Variants in ASTN2 observed in about 807,000 individuals in gnomAD.
ASTN2 encodes the protein astrotactin 2, also known as astrotactin-2.
A neutral mutation model predicts 139.8 loss-of-function variants in ASTN2; 54 were observed. The ratio of observed to expected loss-of-function variants is 0.39; its 90% confidence interval spans 0.31 to 0.48. The LOEUF is 0.48. ASTN2 is among the 20% of genes least tolerant of loss of function. The probability of loss-of-function intolerance (pLI) is 0.95; values close to 1 mark genes in which losing one functional copy is unlikely to be tolerated. For missense variants in ASTN2, 1,565 were observed against 1,725.1 expected (o/e 0.91, Z 1.64); for synonymous variants, 756 against 719.5 (o/e 1.05, Z -0.81).
intron 19 of ASTN2, among the ~76,000 whole-genome samples, chr9:116,519,797 A>C (rs1159191585): frequency 6.6e-6 from 1 of 152,116 alleles, no homozygotes; most frequent in African/African-American, 2.4e-5. Flanking sequence ...GATCCAAATA[A>C]GCTCAATTAG....
chr9:116,681,052 G>A (rs1045854164), intron 16 of ASTN2, among the ~76,000 whole-genome samples: 1 of 152,082 alleles, frequency 6.6e-6, no homozygotes, highest in Non-Finnish European at 1.5e-5. Flanking sequence ...GGAAATAAAG[G>A]GTATTCAATT....
rs557809188 is a variant in ASTN2, at chr9:117,198,901, GTTTTT to G, written c.1015+15452_1015+15456del. Among the ~76,000 whole-genome samples, 300 of 152,224 alleles carry G rather than the reference GTTTTT, an allele frequency of 2.0e-3. 2 individuals are homozygous for G. Among genetic ancestry groups the G allele is most frequent in the African/African-American group, 7.0e-3 (291 of 41,560 alleles). ...CTCTGATGATCAGTGATGTTGGGCT[GTTTTT>G]CATATGTTTGTTGGCTGCATAAATG... On this transcript the variant is annotated intron_variant, in intron 3 of 22. Coordinates refer to ENST00000313400, the MANE Select transcript of ASTN2 (RefSeq NM_001365068.1).
chr9:116,500,162 G>A (rs979226536), intron 19 of ASTN2, among the ~76,000 whole-genome samples: 2 of 152,080 alleles, frequency 1.3e-5, no homozygotes, highest in African/African-American at 4.8e-5. Flanking sequence ...TTAACCCTTT[G>A]ACTCTACTAT....
chr9:117,167,264 C>A (rs1329256941), intron 3 of ASTN2, among the ~76,000 whole-genome samples: 2 of 147,484 alleles, frequency 1.4e-5, no homozygotes, highest in Non-Finnish European at 3.0e-5. Context: ...GTTGATCACA[C>A]CAAAACCTTT....
intron 7 of ASTN2, among the ~76,000 whole-genome samples, chr9:117,002,790 G>A (rs553771164): frequency 3.3e-5 from 5 of 152,248 alleles, no homozygotes; most frequent in African/African-American, 1.2e-4. Flanking sequence ...CCTTGCTCCA[G>A]CAAAGTTTAC....
chr9:117,346,849 G>C (rs1376326077), intron 1 of ASTN2, among the ~76,000 whole-genome samples: 5 of 152,098 alleles, frequency 3.3e-5, no homozygotes, highest in Non-Finnish European at 7.3e-5. Flanking sequence ...AATTTCCACT[G>C]TCTGCAAAAT....
intron 19 of ASTN2, chr9:116,543,951 C>T (rs1587973549): frequency 1.3e-5 from 2 of 152,106 alleles, no homozygotes; most frequent in East Asian, 1.9e-4. Flanking sequence ...CCTATGTGAC[C>T]GGGAGTAGAT....
At chr9:117,272,915 G>C (rs917436738) in intron 2 of ASTN2, among the ~76,000 whole-genome samples, 1 of 152,162 alleles carries the variant, frequency 6.6e-6, no homozygotes, top group Non-Finnish European at 1.5e-5. Flanking sequence ...CCCTCCAACT[G>C]TTCCAATCTC....
At chr9:116,680,739 C>T (rs1234571335) in intron 16 of ASTN2, among the ~76,000 whole-genome samples, 2 of 152,072 alleles carry the variant, frequency 1.3e-5, no homozygotes, top group Non-Finnish European at 1.5e-5. Flanking sequence ...TCAATAAATG[C>T]AATCCAGCAT....
chr9:117,389,852 T>C (rs989579788), intron 1 of ASTN2, among the ~76,000 whole-genome samples: 10 of 147,412 alleles, frequency 6.8e-5, no homozygotes, highest in African/African-American at 2.5e-4. Context: ...GGCTACTGAG[T>C]GACAAAAAAA....
intron 2 of ASTN2, among the ~76,000 whole-genome samples, chr9:117,224,217 C>T (rs1280255776): frequency 1.3e-5 from 2 of 152,198 alleles, no homozygotes; most frequent in African/African-American, 4.8e-5. Flanking sequence ...GTCTGTTTGA[C>T]TTATATGGCT....
chr9:117,215,750 T>C (rs1051782381), intron 2 of ASTN2, among the ~76,000 whole-genome samples: 2 of 152,148 alleles, frequency 1.3e-5, no homozygotes, highest in African/African-American at 4.8e-5. Context: ...AAACCTCTCC[T>C]CTGATGGGTA....
intron 1 of ASTN2, among the ~76,000 whole-genome samples, chr9:117,364,381 T>A (rs1339319841): frequency 6.6e-6 from 1 of 152,204 alleles, no homozygotes; most frequent in Non-Finnish European, 1.5e-5. Flanking sequence ...TGTTTGCCAC[T>A]GCAGATGTAA....
At chr9:117,185,194 T>C (rs1831166698) in intron 3 of ASTN2, among the ~76,000 whole-genome samples, 1 of 152,190 alleles carries the variant, frequency 6.6e-6, no homozygotes. Context: ...TAAATCCTCT[T>C]CTTTTTTACA....
intron 20 of ASTN2, among the ~76,000 whole-genome samples, chr9:116,450,509 C>G (rs1246034125): frequency 6.6e-6 from 1 of 152,176 alleles, no homozygotes; most frequent in Non-Finnish European, 1.5e-5. Context: ...CCGTTGAAGA[C>G]CTAGACTCCA....
At chr9:117,071,838 C>T (rs1480556036) in intron 5 of ASTN2, among the ~76,000 whole-genome samples, 3 of 152,230 alleles carry the variant, frequency 2.0e-5, no homozygotes, top group African/African-American at 7.2e-5. Context: ...TTGCGCTTCC[C>T]AGGTGAGGCA....
intron 20 of ASTN2, among the ~76,000 whole-genome samples, chr9:116,453,520 G>A (rs1369528804): frequency 1.4e-5 from 2 of 143,504 alleles, no homozygotes; most frequent in Non-Finnish European, 3.0e-5. Context: ...TGTGAACCCA[G>A]GAGGTGGAGC....
intron 4 of ASTN2, among the ~76,000 whole-genome samples, chr9:117,124,982 C>G (rs1829651466): frequency 6.6e-6 from 1 of 152,076 alleles, no homozygotes; most frequent in South Asian, 2.1e-4. Flanking sequence ...ATAGTAGGTG[C>G]AAAAATGTGT....
In ASTN2 at chr9:116,502,730, G is replaced by T. The variant is rs912554325; in HGVS notation, c.3356-15230C>A. ...AGGAAGGAAGGAAGGAAGGAAGGAA[G>T]GAATGAATGAATGAATGAGGGAAGG... On this transcript the variant is annotated intron_variant, in intron 19 of 22. Transcript: ENST00000313400. Among the ~76,000 whole-genome samples, 54 of 21,242 alleles carry T rather than the reference G, an allele frequency of 2.5e-3. 1 individual carries two copies. The highest frequency in any genetic ancestry group is 3.8e-3 in the Non-Finnish European group (30 of 7,878). The allele number at this position is 21,242 out of a possible 152,430, so 13.9% of individuals were successfully genotyped here. A position where few individuals can be genotyped will look rare whatever the true frequency, so the allele number is the denominator to read the frequency against.
Sources: allele counts gnomAD v4.1 joint callset (sites outside exome capture counted in the v4.1 genomes callset), GRCh38; gene constraint gnomAD v4.1.1; transcripts MANE v1.5; gene names NCBI Gene and HGNC (gene_info 2026-07-23, HGNC 2026-07-21).